Variants in ENOSF1 observed in about 807,000 individuals in gnomAD.
ENOSF1 encodes the protein enolase superfamily member 1.
In ENOSF1, 73 loss-of-function variants were observed where a neutral mutation model predicts 68.2. The ratio of observed to expected loss-of-function variants is 1.07; its 90% CI spans 0.89 to 1.30. The LOEUF (loss-of-function observed/expected upper bound fraction) is 1.30, where lower values mean the gene tolerates loss of function less well. Among genes scored for constraint, ENOSF1 ranks in the 50% most tolerant of loss-of-function variants. ENOSF1 has a pLI of 0.00. For synonymous variants in ENOSF1, 223 were observed against 210.4 expected, an observed-to-expected ratio of 1.06 and a Z score of -0.52; for missense variants, 589 against 554.5, an observed-to-expected ratio of 1.06 and a Z score of -0.62.
At chr18:701,081 T>C (rs756133862) in intron 2 of ENOSF1, among the ~76,000 whole-genome samples, 2 of 152,028 alleles carry the variant, frequency 1.3e-5, no homozygotes, top group Non-Finnish European at 2.9e-5. Flanking sequence ...TTGAGTAAAG[T>C]CTGTGGGTGA....
chr18:701,756 C>CAAAA (rs71174274), intron 2 of ENOSF1, among the ~76,000 whole-genome samples: 3 of 136,942 alleles, frequency 2.2e-5, no homozygotes, highest in Non-Finnish European at 3.1e-5. Flanking sequence ...GACTCCATCT[C>CAAAA]AAAAAAAAAA....
chr18:704,535 T>C (rs114329694), intron 2 of ENOSF1, among the ~76,000 whole-genome samples: 223 of 151,180 alleles, frequency 1.5e-3, no homozygotes, highest in African/African-American at 5.2e-3. Flanking sequence ...TGCACTATGA[T>C]CATTTCTTTT....
chr18:704,176 A>G (rs1316015282), intron 2 of ENOSF1, among the ~76,000 whole-genome samples: 1 of 152,088 alleles, frequency 6.6e-6, no homozygotes, highest in Non-Finnish European at 1.5e-5. Context: ...GTTCATGCCT[A>G]TAATCTTAGC....
chr18:668,733 C>T (rs1350700369), downstream of ENOSF1, among the ~76,000 whole-genome samples: 2 of 152,082 alleles, frequency 1.3e-5, no homozygotes, highest in African/African-American at 2.4e-5. Context: ...CCTAAGTTTG[C>T]GAGGAGCACT....
chr18:666,689 C>CTA (rs2144292212), downstream of ENOSF1, among the ~76,000 whole-genome samples: 1 of 152,326 alleles, frequency 6.6e-6, no homozygotes, highest in Non-Finnish European at 1.5e-5. Context: ...AGCCTAAAAT[C>CTA]TATATTTTAT....
At chr18:686,295 A>C (rs1331109700) in intron 9 of ENOSF1, 1 of 361,884 alleles carries the variant, frequency 2.8e-6, no homozygotes, top group Non-Finnish European at 5.0e-6. Flanking sequence ...TTGCCGGGCC[A>C]TGAAAAGGAA....
intron 2 of ENOSF1, among the ~76,000 whole-genome samples, chr18:702,825 A>G (rs755967215): frequency 6.6e-6 from 1 of 152,228 alleles, no homozygotes; most frequent in East Asian, 1.9e-4. Flanking sequence ...TAAAGTCATG[A>G]TTTAAAAAAA....
chr18:696,049 T>C (rs753071347), intron 3 of ENOSF1, among the ~76,000 whole-genome samples: 9 of 152,140 alleles, frequency 5.9e-5, no homozygotes, highest in Admixed American at 3.3e-4. Flanking sequence ...ATTCACCTTA[T>C]TGTGTTGGAA....
intron 11 of ENOSF1, among the ~76,000 whole-genome samples, chr18:680,999 T>C (rs1211505263): frequency 6.6e-6 from 1 of 152,038 alleles, no homozygotes; most frequent in African/African-American, 2.4e-5. Flanking sequence ...GGTGGGCGGA[T>C]CACGAGGTCA....
chr18:667,457 T>C (rs1434911168), downstream of ENOSF1, among the ~76,000 whole-genome samples: 2 of 844 alleles, frequency 2.4e-3, 1 homozygote, highest in African/African-American at 0.012. Flanking sequence ...GTGATGGTGA[T>C]GATGGAGATG....
At chr18:689,899 G>C (rs986640116) in intron 8 of ENOSF1, among the ~76,000 whole-genome samples, 3 of 150,790 alleles carry the variant, frequency 2.0e-5, no homozygotes, top group African/African-American at 7.5e-5. Flanking sequence ...CTGGGGAGGC[G>C]AGGGGGCTGA....
intron 3 of ENOSF1, among the ~76,000 whole-genome samples, chr18:694,818 C>A (rs28470755): frequency 0.042 from 6,408 of 151,766 alleles, 453 homozygotes; most frequent in African/African-American, 0.15. Flanking sequence ...TTCTCTCTCT[C>A]TATATATATG....
At chr18:675,609 TTGATGACA>T (rs1445355345) in intron 14 of ENOSF1, 3 of 569,986 alleles carry the variant, frequency 5.3e-6, no homozygotes, top group Admixed American at 2.9e-5. Context: ...GGTGGGGACT[TTGATGACA>T]TGAACACACG....
downstream of ENOSF1, among the ~76,000 whole-genome samples, chr18:667,553 A>AGATGGTGATGGAGATGGTGATGGT (rs2074878713): frequency 5.4e-5 from 1 of 18,572 alleles, no homozygotes; most frequent in African/African-American, 5.4e-4. Flanking sequence ...ATGGTGATGG[A>AGATGGTGATGGAGATGGTGATGGT]GATGGTGATG....
At position 677,412 on chromosome 18, in the gene ENOSF1, G is replaced by C; in HGVS notation, c.1081C>G (p.Leu361Val). 6.2e-7 allele frequency: 1 copy of C among 1,613,660 alleles called. No individual in the cohort carries two copies. The highest frequency in any genetic ancestry group is 8.5e-7 in the Non-Finnish European group (1 of 1,179,926). Residue 361 changes from leucine (L) to valine (V), a missense_variant, in exon 14 of 16, where the codon CTC (leucine) becomes GTC (valine). Transcript: ENST00000647584. ...ATCAGGTGCTGCACCAGTTCACAGA[G>C]GCCAACTCCACCAGCATGGGGGCAA... ...PVCPHAGGVG[L>V]CELVQHLIIF...
chr18:676,869 G>A (rs531943313), intron 14 of ENOSF1, among the ~76,000 whole-genome samples: 12 of 152,304 alleles, frequency 7.9e-5, no homozygotes, highest in African/African-American at 2.4e-4. Flanking sequence ...CTTTCTGTGA[G>A]ACATTTAATT....
In ENOSF1 at chr18:674,142, A is replaced by G; in HGVS notation, c.*163T>C. 1 of 592,590 alleles carries G rather than the reference A, an allele frequency of 1.7e-6. No individual in the cohort carries two copies. Among genetic ancestry groups the G allele is most frequent in the Non-Finnish European group, 3.0e-6 (1 of 335,126 alleles). 36.7% of individuals were successfully genotyped at this position (592,590 alleles called of 1,614,324 possible). ...GGATAACGTGCATTGATTTGCTAAAAGAATCAAGTAATAATTACTTAGCTG... is the reference window on the plus strand; with the variant it reads ...GGATAACGTGCATTGATTTGCTAAAGGAATCAAGTAATAATTACTTAGCTG... On this transcript the variant is annotated 3_prime_UTR_variant, in exon 16 of 16. Transcript: ENST00000647584.
In ENOSF1 at chr18:672,816, G is replaced by A. The variant is rs768597616; in HGVS notation, c.*1489C>T. On this transcript the variant is annotated 3_prime_UTR_variant, in exon 16 of 16. Coordinates refer to ENST00000647584, the MANE Select transcript of ENOSF1 (RefSeq NM_017512.7). Reference sequence around the variant, plus strand: ...ACGGACATGAGGAGCAATTACAACAGGTCGTACAATTATGGCAAAATAATG... The same window carrying A: ...ACGGACATGAGGAGCAATTACAACAAGTCGTACAATTATGGCAAAATAATG... 6.5e-7 allele frequency: 1 copy of A among 1,533,018 alleles called. No homozygotes were observed. Among genetic ancestry groups the A allele is most frequent in the Non-Finnish European group, 8.9e-7 (1 of 1,125,406 alleles). The allele number at this position is 1,533,018 out of a possible 1,614,324, so 95.0% of individuals were successfully genotyped here. A position where few individuals can be genotyped will look rare whatever the true frequency, so the allele number is the denominator to read the frequency against.
chr18:699,555 T>C (rs2078098251), intron 2 of ENOSF1, among the ~76,000 whole-genome samples: 1 of 152,146 alleles, frequency 6.6e-6, no homozygotes, highest in Non-Finnish European at 1.5e-5. Flanking sequence ...AAAGTAACCC[T>C]TTGATCCTTT....
Sources: allele counts gnomAD v4.1 joint callset (sites outside exome capture counted in the v4.1 genomes callset), GRCh38; gene constraint gnomAD v4.1.1; transcripts MANE v1.5; gene names NCBI Gene and HGNC (gene_info 2026-07-23, HGNC 2026-07-21).